The following DNAI1 variants were observed in gnomAD, a reference collection of about 807,000 sequenced individuals.
DNAI1 encodes dynein, axonemal, intermediate polypeptide 1.
Under a neutral mutation model 92.0 loss-of-function variants are expected in DNAI1, and 67 were observed. The observed-to-expected ratio is 0.73, with a 90% confidence interval of 0.60 to 0.89. The LOEUF is 0.89. Among genes scored for constraint, DNAI1 ranks in the 40% least tolerant of loss-of-function variants. The pLI is 0.00. For synonymous variants in DNAI1, 323 were observed against 319.6 expected (o/e 1.01, Z -0.11); for missense variants, 839 against 866.6 (o/e 0.97, Z 0.40).
intron 1 of DNAI1, among the ~76,000 whole-genome samples, chr9:34,481,674 G>A (rs943219150): frequency 3.3e-5 from 5 of 152,194 alleles, no homozygotes; most frequent in African/African-American, 1.2e-4. Context: ...CGCTGGCTCA[G>A]GAGTGAAGCT....
Position 34,480,558 on chromosome 9 carries a change from C to T in DNAI1, c.49-2890C>T, listed in dbSNP as rs542394672. On this transcript the variant is annotated intron_variant, in intron 1 of 19. Coordinates refer to ENST00000242317, the MANE Select transcript of DNAI1 (RefSeq NM_012144.4). ...CTGGGATTACAGGCATGAGCCACCG[C>T]GCCTGGCCAACTTTGTACATGATGT... is the stretch of plus-strand genomic sequence containing the variant. Among the ~76,000 whole-genome samples, 30 of 152,182 alleles carry T rather than the reference C, an allele frequency of 2.0e-4. No individual in the cohort carries two copies. The East Asian group carries it at 3.7e-3, about 19-fold the overall frequency.
intron 1 of DNAI1, among the ~76,000 whole-genome samples, chr9:34,472,432 A>G (rs1165264627): frequency 1.3e-5 from 2 of 152,174 alleles, no homozygotes; most frequent in East Asian, 1.9e-4. Context: ...AGGGTCCTAT[A>G]TAATTGGCTT....
In DNAI1 at chr9:34,506,726, G is replaced by T. The variant is rs767667443; in HGVS notation, c.1163G>T (p.Cys388Phe). The change falls in exon 13 of 20, where the codon TGT becomes TTT. Residue 388 changes from cysteine to phenylalanine, a missense_variant. Coordinates refer to ENST00000242317, the MANE Select transcript of DNAI1 (RefSeq NM_012144.4). ...TTCAGCAGCAACAGCGGCGTCATGT[G>T]TCTCGACATCCACGTGGACCACCCC... ...YMFSSNSGVM[C>F]LDIHVDHPYL... 4 of 1,614,214 alleles carry T rather than the reference G, an allele frequency of 2.5e-6. No individual in the cohort carries two copies. Among genetic ancestry groups the T allele is most frequent in the South Asian group, 2.2e-5 (2 of 91,088 alleles).
At chr9:34,472,485 A>G (rs1273534299) in intron 1 of DNAI1, among the ~76,000 whole-genome samples, 1 of 152,192 alleles carries the variant, frequency 6.6e-6, no homozygotes, top group African/African-American at 2.4e-5. Flanking sequence ...CTGGTCTTGT[A>G]TTCTCTTTTC....
In DNAI1 at chr9:34,517,383, C is replaced by T. The variant is rs1825189744; in HGVS notation, c.1917C>T (p.Leu639=). The change falls in exon 19 of 20, where the codon CTC becomes CTT. Residue 639 remains leucine, a synonymous_variant. Coordinates refer to ENST00000242317, the MANE Select transcript of DNAI1 (RefSeq NM_012144.4). ...KNRLTHVQFN[L]IHPIIIVGDD... is the part of the protein sequence containing the mutation. ...GGCTCACCCACGTGCAGTTCAATCTCATCCACCCCATCATCATTGTGGGCG... is the reference window on the plus strand; with the variant it reads ...GGCTCACCCACGTGCAGTTCAATCTTATCCACCCCATCATCATTGTGGGCG... 1.9e-6 allele frequency: 3 copies of T among 1,614,222 alleles called. No individual in the cohort carries two copies. The highest frequency in any genetic ancestry group is 3.3e-5 in the Admixed American group (2 of 60,022).
intron 13 of DNAI1, among the ~76,000 whole-genome samples, chr9:34,510,946 T>G (rs1197663404): frequency 1.4e-4 from 21 of 152,098 alleles, no homozygotes. Context: ...CAGCCCGCCC[T>G]CCTGAAGCTC....
Position 34,473,273 on chromosome 9 carries a change from C to CTTATTATTATTA in DNAI1, c.49-10151_49-10140dup, listed in dbSNP as rs5897573. ...TACATTGTGGAATGGCTAAATCAAGCTTATTATTATTATTATTATTATTAT... is the reference window on the plus strand; with the variant it reads ...TACATTGTGGAATGGCTAAATCAAGCTTATTATTATTATTATTATTATTATTATTATTATTAT... On this transcript the variant is annotated intron_variant, in intron 1 of 19. Transcript: ENST00000242317. 5.8e-3 allele frequency among the ~76,000 whole-genome samples: 851 copies of CTTATTATTATTA among 146,086 alleles called. 3 individuals carry two copies. The highest frequency in any genetic ancestry group is 0.014 in the Middle Eastern group (4 of 276).
At position 34,489,413 on chromosome 9, in the gene DNAI1, G is replaced by A. The variant is rs762035766; in HGVS notation, c.352G>A (p.Gly118Arg). The change falls in exon 5 of 20, where the codon GGA becomes AGA. Residue 118 changes from glycine to arginine, a missense_variant. Physicochemically the swap from Gly to Arg is moderately radical, Grantham distance 125. Coordinates refer to ENST00000242317, the MANE Select transcript of DNAI1 (RefSeq NM_012144.4). ...GNLIPKDSDE[G>R]RRQHYRDELV... The stretch of plus-strand genomic sequence containing the variant: ...CCTGATCCCCAAAGACTCAGATGAA[G>A]GACGGCGGCAGCATTACCGCGATGA... 6.2e-7 allele frequency: 1 copy of A among 1,614,080 alleles called. No homozygotes were observed. The highest frequency in any genetic ancestry group is 1.1e-5 in the South Asian group (1 of 91,076).
intron 12 of DNAI1, among the ~76,000 whole-genome samples, chr9:34,502,239 C>T (rs1276530525): frequency 2.0e-5 from 3 of 152,202 alleles, no homozygotes; most frequent in Non-Finnish European, 4.4e-5. Context: ...GTCTGGGCCG[C>T]CTTTGAGGAT....
At chr9:34,486,058 C>G (rs1824463345) in intron 4 of DNAI1, among the ~76,000 whole-genome samples, 1 of 152,152 alleles carries the variant, frequency 6.6e-6, no homozygotes, top group East Asian at 1.9e-4. Flanking sequence ...AAGTTCTGAC[C>G]TGATAGACAC....
chr9:34,494,483 G>A (rs908261476), intron 9 of DNAI1, among the ~76,000 whole-genome samples: 2 of 152,138 alleles, frequency 1.3e-5, no homozygotes, highest in Non-Finnish European at 2.9e-5. Context: ...TTCTCTAGAG[G>A]TTAGAGGCTT....
At chr9:34,483,065 G>T (rs893145966) in intron 1 of DNAI1, among the ~76,000 whole-genome samples, 7 of 152,188 alleles carry the variant, frequency 4.6e-5, no homozygotes, top group African/African-American at 1.7e-4. Context: ...CGAGTGCGGG[G>T]CCCACCAAGC....
In DNAI1 at chr9:34,489,797, C is replaced by T. The variant is rs138746751; in HGVS notation, c.389-215C>T. Among the ~76,000 whole-genome samples the T allele has an allele frequency of 3.4e-3, 519 of 152,028 alleles. 2 individuals are homozygous for T. The highest frequency in any genetic ancestry group is 0.011 in the African/African-American group (475 of 41,478). ...CTGGGAGGCAGAGGTTGCAGTGAGC[C>T]GAGATTGTGCCACCACTGCATTCCA... On this transcript the variant is annotated intron_variant, in intron 5 of 19. Transcript: ENST00000242317.
chr9:34,505,465 C>T (rs1470986598), intron 12 of DNAI1, among the ~76,000 whole-genome samples: 1 of 152,242 alleles, frequency 6.6e-6, no homozygotes, highest in East Asian at 1.9e-4. Flanking sequence ...TTCACTTAAT[C>T]AAATCTGCAG....
At chr9:34,507,714 T>TA (rs1824966381) in intron 13 of DNAI1, among the ~76,000 whole-genome samples, 3 of 152,344 alleles carry the variant, frequency 2.0e-5, no homozygotes, top group South Asian at 4.1e-4. Flanking sequence ...CCATCTGGGC[T>TA]AGATTTGGGG....
At position 34,459,013 on chromosome 9, in the gene DNAI1, C is replaced by G; in HGVS notation, c.8C>G (p.Pro3Arg). ...GGCTCTCCAGGGGTTGAGATGATTC[C>G]TGCTTCTGCGAAGGCTCCCCATAAA... The part of the protein sequence containing the change: MI[P>R]ASAKAPHKQP... The change falls in exon 1 of 20, where the codon CCT becomes CGT. Residue 3 changes from proline (P) to arginine (R), a missense_variant. Physicochemically the swap from Pro to Arg is moderately radical, Grantham distance 103. Transcript: ENST00000242317. 1 of 1,614,206 alleles carries G rather than the reference C, an allele frequency of 6.2e-7. No individual in the cohort carries two copies. The highest frequency in any genetic ancestry group is 8.5e-7 in the Non-Finnish European group (1 of 1,180,018).
intron 12 of DNAI1, among the ~76,000 whole-genome samples, chr9:34,503,222 C>G (rs1401924370): frequency 6.6e-6 from 1 of 152,180 alleles, no homozygotes; most frequent in African/African-American, 2.4e-5. Flanking sequence ...CTGAATAGAA[C>G]CAGGCTGGCT....
intron 10 of DNAI1, among the ~76,000 whole-genome samples, chr9:34,498,415 C>G (rs923739279): frequency 8.5e-5 from 13 of 152,136 alleles, no homozygotes; most frequent in African/African-American, 2.7e-4. Flanking sequence ...GAACACAGGC[C>G]CCTTGGATCC....
chr9:34,490,488 G>T lies in DNAI1; in HGVS notation c.621G>T (p.Arg207=), dbSNP rs1824566521. The change falls in exon 7 of 20, where the codon CGG becomes CGT. Residue 207 remains arginine (R), a splice_region_variant and synonymous_variant. Transcript: ENST00000242317. The part of the protein sequence containing the change: ...RASQTYNNPV[R]DRECQTEPPP... ...CACAGACCTACAACAACCCTGTCCGGGTAGAGCAGCCCCCACCCTAGCCCC... is the reference window on the plus strand; with the variant it reads ...CACAGACCTACAACAACCCTGTCCGTGTAGAGCAGCCCCCACCCTAGCCCC... 1 of 1,614,064 alleles carries T rather than the reference G, an allele frequency of 6.2e-7. No individual in the cohort carries two copies. The highest frequency in any genetic ancestry group is 8.5e-7 in the Non-Finnish European group (1 of 1,180,044).
Sources: gnomAD v4.1 joint callset for allele counts (sites outside exome capture counted in the v4.1 genomes callset) on GRCh38, gnomAD v4.1.1 for gene constraint, MANE v1.5 for transcripts, NCBI Gene and HGNC (gene_info 2026-07-23, HGNC 2026-07-21) for gene names.